DLG2: variants seen among roughly 807,000 people sequenced by gnomAD.
DLG2 encodes discs large MAGUK scaffold protein 2, also known as disks large homolog 2.
In DLG2, 45 loss-of-function variants were observed where a neutral mutation model predicts 132.5. The observed-to-expected ratio is 0.34, with a 90% CI of 0.27 to 0.44. The LOEUF (loss-of-function observed/expected upper bound fraction) is 0.44, where lower values mean the gene tolerates loss of function less well. Among genes scored for constraint, DLG2 ranks in the 20% least tolerant of loss-of-function variants. DLG2 has a pLI of 1.00. For missense variants in DLG2, 1,045 were observed against 1,196.9 expected, an observed-to-expected ratio of 0.87 and a Z score of 1.87; for synonymous variants, 424 against 419.6, an observed-to-expected ratio of 1.01 and a Z score of -0.13.
At chr11:84,383,267 T>C (rs954521959) in intron 7 of DLG2, among the ~76,000 whole-genome samples, 5 of 151,670 alleles carry the variant, frequency 3.3e-5, no homozygotes, top group African/African-American at 1.2e-4. Flanking sequence ...CCCGAGAAGA[T>C]TTTCTGGATT....
chr11:83,787,605 G>A (rs1380419986), intron 17 of DLG2, among the ~76,000 whole-genome samples: 1 of 152,088 alleles, frequency 6.6e-6, no homozygotes, highest in Non-Finnish European at 1.5e-5. Context: ...ACAGGCGTGA[G>A]CCACCGCGCC....
chr11:84,087,505 C>T (rs1423551907), intron 10 of DLG2, among the ~76,000 whole-genome samples: 1 of 152,150 alleles, frequency 6.6e-6, no homozygotes, highest in African/African-American at 2.4e-5. Flanking sequence ...CCCCTCACCT[C>T]AAGAAATTTA....
intron 6 of DLG2, among the ~76,000 whole-genome samples, chr11:84,959,062 T>G (rs1334416814): frequency 6.6e-6 from 1 of 152,186 alleles, no homozygotes; most frequent in African/African-American, 2.4e-5. Flanking sequence ...GCTGGCTCAT[T>G]AGAGACGCTT....
chr11:85,173,301 G>A (rs987230370), intron 4 of DLG2, among the ~76,000 whole-genome samples: 8 of 152,148 alleles, frequency 5.3e-5, no homozygotes. Context: ...CAAACCAGAA[G>A]AGATTGGGGC....
In DLG2 at chr11:84,545,751, CTT is replaced by C. The variant is rs35596423; in HGVS notation, c.358-11022_358-11021del. On this transcript the variant is annotated intron_variant, in intron 6 of 27. Transcript: ENST00000376104. ...TCAAAGTAATGTCTTAGGTGATGTT[CTT>C]TTTTTTTTTTTTTTTTTTTTGAGAA... The C allele has an allele frequency of 6.8e-3, 729 of 106,684 alleles. 1 individual carries two copies. Among genetic ancestry groups the C allele is most frequent in the Middle Eastern group, 0.044 (8 of 182 alleles). The allele number at this position is 106,684 out of a possible 1,614,324, so 6.6% of individuals were successfully genotyped here. A position where few individuals can be genotyped will look rare whatever the true frequency, so the allele number is the denominator to read the frequency against.
intron 7 of DLG2, among the ~76,000 whole-genome samples, chr11:84,397,078 T>A (rs2098813499): frequency 6.6e-6 from 1 of 152,196 alleles, no homozygotes; most frequent in Non-Finnish European, 1.5e-5. Context: ...CATTACAGTG[T>A]CTTTCCTGTT....
chr11:83,507,758 T>TTATATATATATATATA (rs59086507), intron 21 of DLG2, among the ~76,000 whole-genome samples: 4 of 99,882 alleles, frequency 4.0e-5, no homozygotes, highest in Admixed American at 1.4e-4. Context: ...TATATTTTTA[T>TTATATATATATATATA]TATATATATA....
chr11:85,263,793 G>A (rs1440319554), intron 4 of DLG2, among the ~76,000 whole-genome samples: 1 of 152,318 alleles, frequency 6.6e-6, no homozygotes, highest in Admixed American at 6.5e-5. Context: ...GGGGATAGTA[G>A]GGGAGAGGTC....
At chr11:83,945,092 C>T (rs1015076733) in intron 14 of DLG2, among the ~76,000 whole-genome samples, 2 of 152,106 alleles carry the variant, frequency 1.3e-5, no homozygotes, top group African/African-American at 4.8e-5. Flanking sequence ...CAACAACAAA[C>T]TTTCACGGTG....
At chr11:85,500,711 G>C (rs2153127000) in intron 3 of DLG2, among the ~76,000 whole-genome samples, 2 of 152,228 alleles carry the variant, frequency 1.3e-5, no homozygotes, top group Non-Finnish European at 2.9e-5. Context: ...CAACTTATAA[G>C]AGATGTGAAG....
intron 8 of DLG2, among the ~76,000 whole-genome samples, chr11:84,209,588 G>A (rs1283044647): frequency 2.0e-5 from 3 of 149,128 alleles, no homozygotes; most frequent in African/African-American, 4.9e-5. Context: ...TTTTTTTAAC[G>A]TTCCTGTAAA....
At chr11:83,670,811 G>A (rs2076707798) in intron 18 of DLG2, among the ~76,000 whole-genome samples, 1 of 151,850 alleles carries the variant, frequency 6.6e-6, no homozygotes, top group Admixed American at 6.6e-5. Flanking sequence ...ACATTAGAAG[G>A]GAATCTAAGT....
intron 6 of DLG2, among the ~76,000 whole-genome samples, chr11:84,945,606 A>G (rs952582036): frequency 2.0e-5 from 3 of 152,112 alleles, no homozygotes; most frequent in Non-Finnish European, 2.9e-5. Context: ...TTTACCTCCC[A>G]CAGACAGAAA....
chr11:84,188,643 C>T (rs1044134084), intron 8 of DLG2, among the ~76,000 whole-genome samples: 1 of 152,108 alleles, frequency 6.6e-6, no homozygotes, highest in African/African-American at 2.4e-5. Context: ...TTATTCCTTA[C>T]AAAAACTGGC....
At chr11:85,290,062 A>G (rs1173858727) in intron 3 of DLG2, among the ~76,000 whole-genome samples, 2 of 152,108 alleles carry the variant, frequency 1.3e-5, no homozygotes, top group African/African-American at 4.8e-5. Flanking sequence ...AAACTCAGCA[A>G]GCACACAATG....
intron 19 of DLG2, among the ~76,000 whole-genome samples, chr11:83,608,733 C>G (rs545865946): frequency 2.7e-4 from 40 of 149,576 alleles, no homozygotes; most frequent in South Asian, 4.3e-4. Context: ...CGCACACACA[C>G]AGAGAGAGAG....
intron 6 of DLG2, among the ~76,000 whole-genome samples, chr11:84,616,406 C>A (rs1056002989): frequency 6.6e-6 from 1 of 152,028 alleles, no homozygotes; most frequent in Non-Finnish European, 1.5e-5. Flanking sequence ...GGGGAACTGT[C>A]TGAAGTATTG....
chr11:84,779,194 GCACACA>G (rs112067471), intron 6 of DLG2, among the ~76,000 whole-genome samples: 1 of 148,910 alleles, frequency 6.7e-6, no homozygotes, highest in Non-Finnish European at 1.5e-5. Context: ...ATATATGTGC[GCACACA>G]CACACACACA....
intron 19 of DLG2, among the ~76,000 whole-genome samples, chr11:83,613,353 G>A (rs1348551000): frequency 6.6e-6 from 1 of 152,138 alleles, no homozygotes; most frequent in Non-Finnish European, 1.5e-5. Flanking sequence ...CTATTAATAT[G>A]TTCTTTGGCG....
Sources: allele counts gnomAD v4.1 joint callset (sites outside exome capture counted in the v4.1 genomes callset), GRCh38; gene constraint gnomAD v4.1.1; transcripts MANE v1.5; gene names NCBI Gene and HGNC (gene_info 2026-07-23, HGNC 2026-07-21).